The following LNX1 variants were observed in gnomAD, a reference collection of about 807,000 sequenced individuals.
LNX1 encodes ligand of numb-protein X 1, also known as E3 ubiquitin-protein ligase LNX.
Under a neutral mutation model 68.4 loss-of-function variants are expected in LNX1, and 54 were observed. The observed-to-expected ratio is 0.79, with a 90% CI of 0.63 to 0.99. The LOEUF is 0.99. LNX1 is among the 50% of genes least tolerant of loss of function. The probability of loss-of-function intolerance (pLI) is 0.00; values close to 1 mark genes in which losing one functional copy is unlikely to be tolerated. For synonymous variants in LNX1, 336 were observed against 350.0 expected, an observed-to-expected ratio of 0.96 and a Z score of 0.45; for missense variants, 906 against 926.4, an observed-to-expected ratio of 0.98 and a Z score of 0.29.
intron 2 of LNX1, among the ~76,000 whole-genome samples, chr4:53,536,047 C>A (rs1728349734): frequency 6.6e-6 from 1 of 152,172 alleles, no homozygotes. Context: ...AGTCCTCCTA[C>A]CTGTTTTTAA....
chr4:53,505,083 A>C (rs1192430156), intron 4 of LNX1, among the ~76,000 whole-genome samples: 1 of 152,220 alleles, frequency 6.6e-6, no homozygotes, highest in African/African-American at 2.4e-5. Context: ...ATTTGTAAAA[A>C]TAAAAATGAG....
chr4:53,570,285 C>T lies in LNX1; in HGVS notation c.380+3338G>A, dbSNP rs1044631365. 6.3e-3 allele frequency among the ~76,000 whole-genome samples: 939 copies of T among 148,684 alleles called. 11 individuals are homozygous for T. Among genetic ancestry groups the T allele is most frequent in the African/African-American group, 0.022 (877 of 39,928 alleles). On this transcript the variant is annotated intron_variant, in intron 2 of 10. Transcript: ENST00000263925. Reference sequence around the variant, plus strand: ...AACCCAAATGTCCAACAATGATAGACTGGATTAAGAAAATGTGGCACATAT... The same window carrying T: ...AACCCAAATGTCCAACAATGATAGATTGGATTAAGAAAATGTGGCACATAT...
chr4:53,642,225 A>T (rs1206936388), intron 1 of LNX1, among the ~76,000 whole-genome samples: 3 of 126,108 alleles, frequency 2.4e-5, no homozygotes, highest in African/African-American at 4.3e-5. Context: ...TCCTATCTTA[A>T]AAAAAAAAAA....
rs57685463 is a variant in LNX1, at chr4:53,522,546, G to A, written c.381-14319C>T. Among the ~76,000 whole-genome samples the A allele has an allele frequency of 8.2e-3, 1,253 of 152,274 alleles. 19 individuals are homozygous for A. The highest frequency in any genetic ancestry group is 0.028 in the African/African-American group (1,182 of 41,560). ...GACACAGAGAGTTGCATGGATGTTG[G>A]TTGAGCCTGTTTTACTAGACTGCAA... On this transcript the variant is annotated intron_variant, in intron 2 of 10. Transcript: ENST00000263925.
intron 1 of LNX1, among the ~76,000 whole-genome samples, chr4:53,646,443 T>C (rs1298535357): frequency 3.4e-4 from 51 of 152,226 alleles, no homozygotes; most frequent in Admixed American, 3.3e-3. Context: ...TACAATTTCC[T>C]GTAATTATCT....
intron 1 of LNX1, among the ~76,000 whole-genome samples, chr4:53,624,070 A>G (rs574469711): frequency 6.6e-6 from 1 of 152,132 alleles, no homozygotes; most frequent in Non-Finnish European, 1.5e-5. Context: ...TGGGCCCTCC[A>G]TGACTCCTTT....
chr4:53,598,538 T>G (rs1201509275), intron 2 of LNX1, among the ~76,000 whole-genome samples: 2 of 152,198 alleles, frequency 1.3e-5, no homozygotes, highest in African/African-American at 4.8e-5. Flanking sequence ...TGGCCCTGAC[T>G]GTAATTTTTA....
At chr4:53,579,195 T>A (rs1490497732) in intron 1 of LNX1, 5 of 851,136 alleles carry the variant, frequency 5.9e-6, no homozygotes, top group Non-Finnish European at 7.1e-6. Context: ...TGTGATACAG[T>A]GTTTTGGCAG....
At chr4:53,559,557 TAGTGCTTAACTCAG>T (rs1730136342) in intron 2 of LNX1, among the ~76,000 whole-genome samples, 1 of 152,194 alleles carries the variant, frequency 6.6e-6, no homozygotes, top group Non-Finnish European at 1.5e-5. Flanking sequence ...ACAATAGTAA[TAGTGCTTAACTCAG>T]AGTGCTAGTA....
chr4:53,547,331 A>G (rs1365123336), intron 2 of LNX1, among the ~76,000 whole-genome samples: 1 of 152,216 alleles, frequency 6.6e-6, no homozygotes, highest in Non-Finnish European at 1.5e-5. Context: ...TGTACCAGGC[A>G]CTATATTAAA....
chr4:53,609,765 T>TTAA, intron 2 of LNX1, among the ~76,000 whole-genome samples: 1 of 142,916 alleles, frequency 7.0e-6, no homozygotes, highest in East Asian at 2.0e-4. Context: ...AATATACTAT[T>TTAA]ATATATTATA....
At chr4:53,577,722 A>G (rs1014249720) in intron 1 of LNX1, among the ~76,000 whole-genome samples, 4 of 151,982 alleles carry the variant, frequency 2.6e-5, no homozygotes, top group Admixed American at 1.3e-4. Flanking sequence ...GCCTGCCATT[A>G]TTTCCTTAAT....
At chr4:53,570,356 C>T (rs1289317836) in intron 2 of LNX1, among the ~76,000 whole-genome samples, 2 of 149,442 alleles carry the variant, frequency 1.3e-5, no homozygotes, top group Non-Finnish European at 3.0e-5. Context: ...GAGTTCATGT[C>T]CTTTGTAGGG....
chr4:53,606,915 T>C (rs554144438), intron 2 of LNX1, among the ~76,000 whole-genome samples: 2 of 152,334 alleles, frequency 1.3e-5, no homozygotes, highest in East Asian at 3.9e-4. Context: ...CATCCCTTCA[T>C]GTTAAAAACC....
chr4:53,582,871 A>T (rs1203680145), intron 1 of LNX1, among the ~76,000 whole-genome samples: 1 of 152,130 alleles, frequency 6.6e-6, no homozygotes, highest in Non-Finnish European at 1.5e-5. Flanking sequence ...GAACAGCAGA[A>T]ATATACCCAC....
chr4:53,544,733 C>T (rs568565851), intron 2 of LNX1, among the ~76,000 whole-genome samples: 1 of 152,330 alleles, frequency 6.6e-6, no homozygotes, highest in South Asian at 2.1e-4. Flanking sequence ...ACGTAAGTAG[C>T]TGACACTGAT....
chr4:53,524,784 A>T (rs1727493458), intron 2 of LNX1, among the ~76,000 whole-genome samples: 1 of 152,206 alleles, frequency 6.6e-6, no homozygotes, highest in South Asian at 2.1e-4. Flanking sequence ...GAGGAATTTA[A>T]CATCCAGCTA....
chr4:53,468,965 G>A (rs1398490449), intron 9 of LNX1, among the ~76,000 whole-genome samples: 1 of 152,148 alleles, frequency 6.6e-6, no homozygotes, highest in Non-Finnish European at 1.5e-5. Flanking sequence ...TCCAGGAATT[G>A]AACTCAGCTC....
upstream of LNX1, chr4:53,591,666 G>A (rs1382804154): frequency 6.5e-6 from 5 of 766,374 alleles, no homozygotes; most frequent in Non-Finnish European, 7.9e-6. Context: ...CCTGCAAGCA[G>A]GTAGGTGGCG....
Sources: gnomAD v4.1 joint callset for allele counts (sites outside exome capture counted in the v4.1 genomes callset) on GRCh38, gnomAD v4.1.1 for gene constraint, MANE v1.5 for transcripts, NCBI Gene and HGNC (gene_info 2026-07-23, HGNC 2026-07-21) for gene names.